Variants in H1-4 observed in about 807,000 individuals in gnomAD.
H1-4 encodes the protein histone H1.4.
Under a neutral mutation model 7.2 loss-of-function variants are expected in H1-4, and 9 were observed. That is an observed-to-expected ratio of 1.25 (90% CI 0.75 to 2.18). The LOEUF is 2.18. Ranked by LOEUF, H1-4 falls within the 30% of genes most tolerant of loss-of-function variation. H1-4 has a pLI of 0.00. For synonymous variants in H1-4, 318 were observed against 126.6 expected (o/e 2.51, Z -10.15); for missense variants, 646 against 287.9 (o/e 2.24, Z -9.00).
rs1465379873 is a variant in H1-4 at position 26,156,595 on chromosome 6, G to A, written c.205G>A (p.Ala69Thr). The A allele has an allele frequency of 3.1e-6, 5 of 1,614,060 alleles. No individual in the cohort carries two copies. Among genetic ancestry groups the A allele is most frequent in the Non-Finnish European group, 3.4e-6 (4 of 1,180,012 alleles). Reference protein sequence around the residue: ...LAALKKALAAAGYDVEKNNSR... With the variant: ...LAALKKALAATGYDVEKNNSR... ...CGCTCTCAAGAAAGCGCTGGCAGCC[G>A]CTGGCTATGACGTGGAGAAGAACAA... is the stretch of plus-strand genomic sequence containing the variant. The change falls in exon 1 of 1, where the codon GCT (alanine) becomes ACT (threonine). Residue 69 changes from alanine (A) to threonine (T), a missense_variant. Transcript: ENST00000304218.
Position 26,157,109 on chromosome 6 carries a change from C to T in H1-4, c.*59C>T. On this transcript the variant is annotated 3_prime_UTR_variant, in exon 1 of 1. Transcript: ENST00000304218. ...CACAACCCAAAGGCTCTTTTCAGAG[C>T]CACCCACCGCTCTCAGTAAAAGAGC... 1.9e-6 allele frequency: 3 copies of T among 1,538,480 alleles called. No individual in the cohort carries two copies. The highest frequency in any genetic ancestry group is 1.3e-5 in the South Asian group (1 of 77,188).
rs1235916577 is a variant in H1-4 at position 26,156,794 on chromosome 6, C to T, written c.404C>T (p.Ala135Val). The T allele has an allele frequency of 8.1e-6, 13 of 1,611,056 alleles. No homozygotes were observed. The highest frequency in any genetic ancestry group is 1.7e-5 in the Admixed American group (1 of 59,326). The change falls in exon 1 of 1, where the codon GCG (alanine) becomes GTG (valine). Residue 135 changes from alanine (A) to valine (V), a missense_variant. Transcript: ENST00000304218. ...AAKAKKPAGA[A>V]KKPKKATGAA... is the part of the protein sequence containing the mutation. ...AAGGCCAAGAAGCCAGCAGGAGCGGCGAAGAAGCCCAAGAAGGCGACGGGG... is the reference window on the plus strand; with the variant it reads ...AAGGCCAAGAAGCCAGCAGGAGCGGTGAAGAAGCCCAAGAAGGCGACGGGG...
chr6:26,157,071 C>G lies in H1-4; in HGVS notation c.*21C>G. On this transcript the variant is annotated 3_prime_UTR_variant, in exon 1 of 1. Coordinates refer to ENST00000304218, the MANE Select transcript of H1-4 (RefSeq NM_005321.3). ...AGTAGAAAGTTCCTTTGGCCAACTG[C>G]TTAGAAGCCCAACACAACCCAAAGG... 4 of 1,572,420 alleles carry G rather than the reference C, an allele frequency of 2.5e-6. No homozygotes were observed. In the African/African-American group the frequency reaches 4.1e-5, roughly 16 times the overall value.
In H1-4 at chr6:26,156,763, G is replaced by A. The variant is rs767290445; in HGVS notation, c.373G>A (p.Ala125Thr). The change falls in exon 1 of 1, where the codon GCG becomes ACG. Residue 125 changes from alanine to threonine, a missense_variant. Physicochemically the swap from Ala to Thr is moderately conservative, Grantham distance 58 (BLOSUM62 0). Coordinates refer to ENST00000304218, the MANE Select transcript of H1-4 (RefSeq NM_005321.3). ...CAAGCCTAAGGCTAAAAAGGCAGGC[G>A]CGGCCAAGGCCAAGAAGCCAGCAGG... The part of the protein sequence containing the change: ...EAKPKAKKAG[A>T]AKAKKPAGAA... The A allele has an allele frequency of 1.7e-5, 28 of 1,613,466 alleles. No individual in the cohort carries two copies. Among genetic ancestry groups the A allele is most frequent in the Admixed American group, 1.0e-4 (6 of 59,892 alleles).
rs149232551 is a variant in H1-4, at chr6:26,156,953, C to T, written c.563C>T (p.Pro188Leu). 10 of 1,612,468 alleles carry T rather than the reference C, an allele frequency of 6.2e-6. No homozygotes were observed. The East Asian group carries it at 6.7e-5, about 11-fold the overall frequency. ...AAGCCAAAAAAGGCGCCCAAGAGCC[C>T]AGCGAAGGCCAAAGCAGTTAAACCC... ...AAKPKKAPKS[P>L]AKAKAVKPKA... Residue 188 changes from proline to leucine, a missense_variant, in exon 1 of 1, where the codon CCA becomes CTA. Coordinates refer to ENST00000304218, the MANE Select transcript of H1-4 (RefSeq NM_005321.3).
Position 26,156,821 on chromosome 6 carries a change from C to T in H1-4, c.431C>T (p.Ala144Val), listed in dbSNP as rs201297264. ...AAKKPKKATG[A>V]ATPKKSAKKT... is the part of the protein sequence containing the mutation. ...AAGAAGCCCAAGAAGGCGACGGGGG[C>T]GGCCACCCCCAAGAAGAGCGCCAAG... The change falls in exon 1 of 1, where the codon GCG becomes GTG. Residue 144 changes from alanine to valine, a missense_variant. Coordinates refer to ENST00000304218, the MANE Select transcript of H1-4 (RefSeq NM_005321.3). 4.2e-4 allele frequency: 674 copies of T among 1,606,630 alleles called. No homozygotes were observed. The highest frequency in any genetic ancestry group is 2.8e-3 in the Admixed American group (163 of 58,390).
chr6:26,157,106 G>T lies in H1-4; in HGVS notation c.*56G>T. On this transcript the variant is annotated 3_prime_UTR_variant, in exon 1 of 1. Coordinates refer to ENST00000304218, the MANE Select transcript of H1-4 (RefSeq NM_005321.3). ...CAACACAACCCAAAGGCTCTTTTCA[G>T]AGCCACCCACCGCTCTCAGTAAAAG... The T allele has an allele frequency of 1.9e-6, 3 of 1,543,560 alleles. No homozygotes were observed. Among genetic ancestry groups the T allele is most frequent in the Non-Finnish European group, 8.7e-7 (1 of 1,154,008 alleles).
chr6:26,156,433 G>A lies in H1-4; in HGVS notation c.43G>A (p.Ala15Thr). 6 of 1,607,562 alleles carry A rather than the reference G, an allele frequency of 3.7e-6. No homozygotes were observed. Among genetic ancestry groups the A allele is most frequent in the East Asian group, 2.2e-5 (1 of 44,768 alleles). Residue 15 changes from alanine (A) to threonine (T), a missense_variant, in exon 1 of 1, where the codon GCC becomes ACC. Physicochemically the swap from Ala to Thr is moderately conservative, Grantham distance 58. Transcript: ENST00000304218. ...APAAPAAPAP[A>T]EKTPVKKKAR... ...TGCCGCGCCCGCTGCTCCGGCCCCT[G>A]CCGAGAAGACTCCCGTGAAGAAGAA...
rs569775913 is a variant in H1-4 at position 26,156,559 on chromosome 6, G to A, written c.169G>A (p.Val57Ile). The change falls in exon 1 of 1, where the codon GTA (valine) becomes ATA (isoleucine). Residue 57 changes from valine (V) to isoleucine (I), a missense_variant. By Grantham distance (29) the Val-to-Ile change is conservative. Transcript: ENST00000304218. ...TGCCGCCTCCAAGGAGCGCAGCGGC[G>A]TATCTTTGGCCGCTCTCAAGAAAGC... ...AVAASKERSG[V>I]SLAALKKALA... 6.2e-7 allele frequency: 1 copy of A among 1,614,150 alleles called. No homozygotes were observed. The highest frequency in any genetic ancestry group is 8.5e-7 in the Non-Finnish European group (1 of 1,180,022).
At position 26,156,959 on chromosome 6, in the gene H1-4, A is replaced by G. The variant is rs1289737443; in HGVS notation, c.569A>G (p.Lys190Arg). Reference protein sequence around the residue: ...KPKKAPKSPAKAKAVKPKAAK... With the variant: ...KPKKAPKSPARAKAVKPKAAK... ...AAAAAGGCGCCCAAGAGCCCAGCGA[A>G]GGCCAAAGCAGTTAAACCCAAGGCG... is the stretch of plus-strand genomic sequence containing the variant. The change falls in exon 1 of 1, where the codon AAG becomes AGG. Residue 190 changes from lysine (K) to arginine (R), a missense_variant. Lys to Arg is a conservative substitution (Grantham distance 26, BLOSUM62 2). Coordinates refer to ENST00000304218, the MANE Select transcript of H1-4 (RefSeq NM_005321.3). 1.9e-6 allele frequency: 3 copies of G among 1,612,474 alleles called. No homozygotes were observed. Among genetic ancestry groups the G allele is most frequent in the Admixed American group, 1.7e-5 (1 of 59,870 alleles).
rs751166214 is a variant in H1-4 at position 26,156,752 on chromosome 6, A to C, written c.362A>C (p.Lys121Thr). 2 of 1,613,996 alleles carry C rather than the reference A, an allele frequency of 1.2e-6. No individual in the cohort carries two copies. Among genetic ancestry groups the C allele is most frequent in the Non-Finnish European group, 8.5e-7 (1 of 1,179,956 alleles). The change falls in exon 1 of 1, where the codon AAA becomes ACA. Residue 121 changes from lysine (K) to threonine (T), a missense_variant. By Grantham distance (78) the Lys-to-Thr change is moderately conservative. Coordinates refer to ENST00000304218, the MANE Select transcript of H1-4 (RefSeq NM_005321.3). ...TCTGGGGAAGCCAAGCCTAAGGCTA[A>C]AAAGGCAGGCGCGGCCAAGGCCAAG... The part of the protein sequence containing the change: ...AASGEAKPKA[K>T]KAGAAKAKKP...
rs757797119 is a variant in H1-4 at position 26,156,988 on chromosome 6, A to C, written c.598A>C (p.Lys200Gln). The change falls in exon 1 of 1, where the codon AAA becomes CAA. Residue 200 changes from lysine (K) to glutamine (Q), a missense_variant. Transcript: ENST00000304218. ...KAKAVKPKAA[K>Q]PKTAKPKAAK... ...CAAAGCAGTTAAACCCAAGGCGGCT[A>C]AACCAAAGACCGCCAAGCCCAAGGC... The C allele has an allele frequency of 1.2e-6, 2 of 1,607,404 alleles. No individual in the cohort carries two copies. The highest frequency in any genetic ancestry group is 1.1e-5 in the South Asian group (1 of 90,202).
At position 26,156,884 on chromosome 6, in the gene H1-4, C is replaced by A. The variant is rs776413051; in HGVS notation, c.494C>A (p.Ala165Asp). 6.2e-7 allele frequency: 1 copy of A among 1,609,016 alleles called. No individual in the cohort carries two copies. Among genetic ancestry groups the A allele is most frequent in the African/African-American group, 1.3e-5 (1 of 74,624 alleles). The change falls in exon 1 of 1, where the codon GCT becomes GAT. Residue 165 changes from alanine to aspartate, a missense_variant. By Grantham distance (126) the Ala-to-Asp change is moderately radical. Transcript: ENST00000304218. ...PKKAKKPAAA[A>D]GAKKAKSPKK... is the part of the protein sequence containing the mutation. ...AAGGCGAAGAAGCCGGCTGCAGCTG[C>A]TGGAGCCAAAAAAGCGAAAAGCCCG...
At position 26,156,712 on chromosome 6, in the gene H1-4, A is replaced by G; in HGVS notation, c.322A>G (p.Asn108Asp). Residue 108 changes from asparagine to aspartate, a missense_variant, in exon 1 of 1, where the codon AAC (asparagine) becomes GAC (aspartate). Asn to Asp is a conservative substitution (Grantham distance 23, BLOSUM62 1). Coordinates refer to ENST00000304218, the MANE Select transcript of H1-4 (RefSeq NM_005321.3). ...GTGASGSFKL[N>D]KKAASGEAKP... ...CGGCGCGTCGGGTTCCTTCAAACTC[A>G]ACAAGAAGGCGGCCTCTGGGGAAGC... The G allele has an allele frequency of 6.2e-7, 1 of 1,614,164 alleles. No homozygotes were observed. Among genetic ancestry groups the G allele is most frequent in the African/African-American group, 1.3e-5 (1 of 75,042 alleles).
chr6:26,156,471 T>C lies in H1-4; in HGVS notation c.81T>C (p.Ser27=), dbSNP rs377661226. 3.7e-6 allele frequency: 6 copies of C among 1,613,146 alleles called. No individual in the cohort carries two copies. The highest frequency in any genetic ancestry group is 1.1e-5 in the South Asian group (1 of 91,078). The part of the protein sequence containing the change: ...KTPVKKKARK[S]AGAAKRKASG... Reference sequence around the variant, plus strand: ...CCGTGAAGAAGAAGGCCCGCAAGTCTGCAGGTGCGGCCAAGCGCAAAGCGT... The same window carrying C: ...CCGTGAAGAAGAAGGCCCGCAAGTCCGCAGGTGCGGCCAAGCGCAAAGCGT... Residue 27 remains serine (S), a synonymous_variant, in exon 1 of 1, where the codon TCT becomes TCC. Coordinates refer to ENST00000304218, the MANE Select transcript of H1-4 (RefSeq NM_005321.3).
chr6:26,156,783 A>G lies in H1-4; in HGVS notation c.393A>G (p.Pro131=). 1.2e-6 allele frequency: 2 copies of G among 1,612,632 alleles called. No homozygotes were observed. Among genetic ancestry groups the G allele is most frequent in the Non-Finnish European group, 1.7e-6 (2 of 1,179,350 alleles). Residue 131 remains proline (P), a synonymous_variant, in exon 1 of 1, where the codon CCA becomes CCG. Transcript: ENST00000304218. ...CAGGCGCGGCCAAGGCCAAGAAGCC[A>G]GCAGGAGCGGCGAAGAAGCCCAAGA... ...KKAGAAKAKK[P]AGAAKKPKKA...
In H1-4 at chr6:26,156,708, A is replaced by G. The variant is rs751637166; in HGVS notation, c.318A>G (p.Lys106=). 21 of 1,613,954 alleles carry G rather than the reference A, an allele frequency of 1.3e-5. No homozygotes were observed. The South Asian group carries it at 2.0e-4, about 15-fold the overall frequency. ...TKGTGASGSF[K]LNKKAASGEA... is the part of the protein sequence containing the mutation. ...GCACCGGCGCGTCGGGTTCCTTCAA[A>G]CTCAACAAGAAGGCGGCCTCTGGGG... Residue 106 remains lysine, a synonymous_variant, in exon 1 of 1, where the codon AAA becomes AAG. Coordinates refer to ENST00000304218, the MANE Select transcript of H1-4 (RefSeq NM_005321.3).
chr6:26,156,817 G>C lies in H1-4; in HGVS notation c.427G>C (p.Gly143Arg), dbSNP rs760310635. 6.2e-7 allele frequency: 1 copy of C among 1,607,852 alleles called. No homozygotes were observed. Among genetic ancestry groups the C allele is most frequent in the Admixed American group, 1.7e-5 (1 of 58,610 alleles). Residue 143 changes from glycine to arginine, a missense_variant, in exon 1 of 1, where the codon GGG becomes CGG. Coordinates refer to ENST00000304218, the MANE Select transcript of H1-4 (RefSeq NM_005321.3). ...GAAKKPKKAT[G>R]AATPKKSAKK... The stretch of plus-strand genomic sequence containing the variant: ...GGCGAAGAAGCCCAAGAAGGCGACG[G>C]GGGCGGCCACCCCCAAGAAGAGCGC...
In H1-4 at chr6:26,156,535, G is replaced by T. The variant is rs373759542; in HGVS notation, c.145G>T (p.Ala49Ser). ...PVSELITKAV[A>S]ASKERSGVSL... ...GTCCGAGCTCATTACTAAAGCTGTTGCCGCCTCCAAGGAGCGCAGCGGCGT... is the reference window on the plus strand; with the variant it reads ...GTCCGAGCTCATTACTAAAGCTGTTTCCGCCTCCAAGGAGCGCAGCGGCGT... Residue 49 changes from alanine (A) to serine (S), a missense_variant, in exon 1 of 1, where the codon GCC becomes TCC. Transcript: ENST00000304218. 6.2e-6 allele frequency: 10 copies of T among 1,613,974 alleles called. No homozygotes were observed. In the Admixed American group the frequency reaches 8.3e-5, roughly 13 times the overall value.
Sources: allele counts gnomAD v4.1 joint callset, GRCh38; gene constraint gnomAD v4.1.1; transcripts MANE v1.5; gene names NCBI Gene and HGNC (gene_info 2026-07-23, HGNC 2026-07-21).